SPON1: variants seen among roughly 807,000 people sequenced by gnomAD.
SPON1 encodes the protein spondin-1.
A neutral mutation model predicts 111.7 loss-of-function variants in SPON1; 52 were observed. That is an observed-to-expected ratio of 0.47 (90% CI 0.37 to 0.59). The LOEUF is 0.59. SPON1 is among the 20% of genes least tolerant of loss of function. The probability of loss-of-function intolerance (pLI) is 0.00; values close to 1 mark genes in which losing one functional copy is unlikely to be tolerated. For synonymous variants in SPON1, 410 were observed against 395.8 expected (o/e 1.04, Z -0.43); for missense variants, 957 against 1,068.5 (o/e 0.90, Z 1.46).
chr11:13,981,357 C>T (rs1269956281), intron 1 of SPON1, among the ~76,000 whole-genome samples: 1 of 152,102 alleles, frequency 6.6e-6, no homozygotes, highest in African/African-American at 2.4e-5. Context: ...GATGGAGTCT[C>T]ACTCTGTCAC....
chr11:14,152,958 A>G (rs1233909599), intron 6 of SPON1, among the ~76,000 whole-genome samples: 2 of 152,196 alleles, frequency 1.3e-5, no homozygotes, highest in Non-Finnish European at 2.9e-5. Flanking sequence ...GAGTAAATAT[A>G]TATCAAGTAC....
chr11:14,182,371 G>C (rs922896228), intron 6 of SPON1, among the ~76,000 whole-genome samples: 1 of 152,166 alleles, frequency 6.6e-6, no homozygotes, highest in South Asian at 2.1e-4. Flanking sequence ...CAGAATCAGA[G>C]GCCTAAATTC....
chr11:14,003,541 C>T (rs1554912705), intron 2 of SPON1, among the ~76,000 whole-genome samples: 1 of 152,098 alleles, frequency 6.6e-6, no homozygotes, highest in East Asian at 1.9e-4. Context: ...GGGATTAAGC[C>T]TGCTGGGAAT....
At chr11:14,012,320 A>G (rs782542979) in intron 2 of SPON1, among the ~76,000 whole-genome samples, 1 of 152,084 alleles carries the variant, frequency 6.6e-6, no homozygotes, top group Non-Finnish European at 1.5e-5. Flanking sequence ...CTTTCACCAA[A>G]GGCCACAGGA....
intron 2 of SPON1, among the ~76,000 whole-genome samples, chr11:14,034,511 G>C (rs371477996): frequency 1.3e-5 from 2 of 152,336 alleles, no homozygotes; most frequent in East Asian, 3.9e-4. Context: ...TCTCTGGATC[G>C]AGAGAAATAA....
intron 6 of SPON1, among the ~76,000 whole-genome samples, chr11:14,221,118 CATTCAACCAGCCCATTCATTT>C (rs1848675665): frequency 6.6e-6 from 1 of 152,208 alleles, no homozygotes; most frequent in Non-Finnish European, 1.5e-5. Context: ...CTCGTTCATT[CATTCAACCAGCCCATTCATTT>C]ATTCAACCAA....
At chr11:13,963,788 A>G (rs1262800663) in intron 1 of SPON1, among the ~76,000 whole-genome samples, 1 of 152,210 alleles carries the variant, frequency 6.6e-6, no homozygotes, top group Non-Finnish European at 1.5e-5. Flanking sequence ...CAGACGAGAT[A>G]GAGTATCTTG....
chr11:13,977,457 A>G (rs1485194526), intron 1 of SPON1, among the ~76,000 whole-genome samples: 1 of 152,052 alleles, frequency 6.6e-6, no homozygotes, highest in Non-Finnish European at 1.5e-5. Context: ...GCATATGTTT[A>G]TTGGCCATTG....
chr11:14,117,127 G>T (rs1609339), intron 5 of SPON1, among the ~76,000 whole-genome samples: 1 of 151,982 alleles, frequency 6.6e-6, no homozygotes, highest in Non-Finnish European at 1.5e-5. Context: ...TGGAATTTAC[G>T]TACACAATAA....
intron 6 of SPON1, among the ~76,000 whole-genome samples, chr11:14,222,653 C>T (rs11023148): frequency 1.3e-5 from 2 of 152,274 alleles, no homozygotes; most frequent in Non-Finnish European, 2.9e-5. Context: ...TGTATGTATA[C>T]CATCATCAGG....
chr11:14,092,793 G>C (rs534941644), intron 5 of SPON1, among the ~76,000 whole-genome samples: 1 of 152,134 alleles, frequency 6.6e-6, no homozygotes, highest in Non-Finnish European at 1.5e-5. Context: ...TATCATGTAA[G>C]TTTTACTTCC....
At chr11:14,152,541 T>C (rs1181293555) in intron 6 of SPON1, among the ~76,000 whole-genome samples, 1 of 152,180 alleles carries the variant, frequency 6.6e-6, no homozygotes, top group African/African-American at 2.4e-5. Flanking sequence ...TATTTTGAAA[T>C]AGCTTTTAAA....
intron 6 of SPON1, among the ~76,000 whole-genome samples, chr11:14,192,533 A>T (rs1253618475): frequency 6.6e-6 from 1 of 152,186 alleles, no homozygotes; most frequent in African/African-American, 2.4e-5. Flanking sequence ...GTAGAGATGG[A>T]TCAATCTCTT....
intron 2 of SPON1, among the ~76,000 whole-genome samples, chr11:14,009,935 T>A (rs79689356): frequency 2.6e-5 from 4 of 152,284 alleles, no homozygotes; most frequent in African/African-American, 9.6e-5. Context: ...AGATTCAACA[T>A]AAGAACTTGA....
intron 5 of SPON1, among the ~76,000 whole-genome samples, chr11:14,122,103 G>C (rs1376829726): frequency 1.3e-5 from 2 of 151,910 alleles, no homozygotes; most frequent in South Asian, 2.1e-4. Context: ...TTGTTGATCT[G>C]GGATCTATAG....
intron 6 of SPON1, among the ~76,000 whole-genome samples, chr11:14,219,249 C>T (rs1455747314): frequency 6.6e-6 from 1 of 152,190 alleles, no homozygotes; most frequent in East Asian, 1.9e-4. Context: ...CTACCTGCTG[C>T]AGTCACATTC....
intron 6 of SPON1, among the ~76,000 whole-genome samples, chr11:14,171,531 T>C (rs1382890906): frequency 6.6e-6 from 1 of 152,238 alleles, no homozygotes; most frequent in Admixed American, 6.5e-5. Context: ...TGCCTTCTGC[T>C]AGCTTTTGAA....
At chr11:14,170,305 A>T (rs564919148) in intron 6 of SPON1, among the ~76,000 whole-genome samples, 8 of 151,844 alleles carry the variant, frequency 5.3e-5, no homozygotes, top group East Asian at 1.9e-4. Flanking sequence ...TTGTCTGTTA[A>T]TGGTGTATAA....
At chr11:13,982,794 A>T in intron 1 of SPON1, 53 bp from the exon 2 acceptor site, 1 of 1,255,246 alleles carries the variant, frequency 8.0e-7, no homozygotes, top group Admixed American at 2.0e-5. Context: ...CATTTGACAA[A>T]TGGACAATAA....
Sources: gnomAD v4.1 joint callset for allele counts (sites outside exome capture counted in the v4.1 genomes callset) on GRCh38, gnomAD v4.1.1 for gene constraint, MANE v1.5 for transcripts, NCBI Gene and HGNC (gene_info 2026-07-23, HGNC 2026-07-21) for gene names.